ERBB4: variants seen among roughly 807,000 people sequenced by gnomAD.
ERBB4 encodes erb-b2 receptor tyrosine kinase 4.
A neutral mutation model predicts 158.0 loss-of-function variants in ERBB4; 42 were observed. The ratio of observed to expected loss-of-function variants is 0.27; its 90% CI spans 0.21 to 0.34. The LOEUF (loss-of-function observed/expected upper bound fraction) is 0.34, where lower values mean the gene tolerates loss of function less well. Among genes scored for constraint, ERBB4 ranks in the 10% least tolerant of loss-of-function variants. The pLI, the probability that ERBB4 is intolerant of heterozygous loss-of-function variation, is 1.00. For missense variants in ERBB4, 1,333 were observed against 1,624.1 expected (o/e 0.82, Z 3.08); for synonymous variants, 583 against 558.7 (o/e 1.04, Z -0.61).
rs564353073 is a variant in ERBB4 at position 211,927,853 on chromosome 2, T to C, written c.421+19577A>G. On this transcript the variant is annotated intron_variant, in intron 3 of 27. Transcript: ENST00000342788. Reference sequence around the variant, plus strand: ...TACGAGGAGGTTAAATATTACTTAATTAGCATAGCAAATGGCAAAAATACA... The same window carrying C: ...TACGAGGAGGTTAAATATTACTTAACTAGCATAGCAAATGGCAAAAATACA... Among the ~76,000 whole-genome samples, 3 of 152,242 alleles carry C rather than the reference T, an allele frequency of 2.0e-5. No homozygotes were observed. In the South Asian group the frequency reaches 6.2e-4, roughly 32 times the overall value.
chr2:212,128,518 G>A (rs535547407), intron 1 of ERBB4, among the ~76,000 whole-genome samples: 22 of 152,242 alleles, frequency 1.4e-4, no homozygotes, highest in African/African-American at 4.8e-4. Flanking sequence ...AGATGGCTGA[G>A]AACTGAGCTA....
chr2:212,401,769 T>A (rs1260839402), intron 1 of ERBB4, among the ~76,000 whole-genome samples: 4 of 152,086 alleles, frequency 2.6e-5, no homozygotes, highest in Non-Finnish European at 5.9e-5. Context: ...GTTTAGAGTA[T>A]AGAGTAAGGC....
chr2:211,583,812 T>C (rs2068179771), intron 19 of ERBB4, among the ~76,000 whole-genome samples: 1 of 151,632 alleles, frequency 6.6e-6, no homozygotes, highest in Admixed American at 6.6e-5. Context: ...TTTTTGTCAA[T>C]TATAATATCA....
Position 211,382,910 on chromosome 2 carries a change from T to C in ERBB4, c.*705A>G, listed in dbSNP as rs1057078032. The C allele has an allele frequency of 8.6e-6, 2 of 232,412 alleles. No homozygotes were observed. Among genetic ancestry groups the C allele is most frequent in the Non-Finnish European group, 1.7e-5 (2 of 117,734 alleles). 14.4% of individuals were successfully genotyped at this position (232,412 alleles called of 1,614,324 possible). Reference sequence around the variant, plus strand: ...TGTAAACATCTTTGCAATTAGAAATTAAAGCCAAAAATAGGGGAGCAAATA... The same window carrying C: ...TGTAAACATCTTTGCAATTAGAAATCAAAGCCAAAAATAGGGGAGCAAATA... On this transcript the variant is annotated 3_prime_UTR_variant, in exon 28 of 28. Coordinates refer to ENST00000342788, the MANE Select transcript of ERBB4 (RefSeq NM_005235.3).
In ERBB4 at chr2:211,537,709, A is replaced by C. The variant is rs140966215; in HGVS notation, c.2487+24194T>G. ...AACTCAACATTAAAAATATTTTAGTAAGTTTTAAAACTTATGCCTGTATCA... is the reference window on the plus strand; with the variant it reads ...AACTCAACATTAAAAATATTTTAGTCAGTTTTAAAACTTATGCCTGTATCA... On this transcript the variant is annotated intron_variant, in intron 20 of 27. Coordinates refer to ENST00000342788, the MANE Select transcript of ERBB4 (RefSeq NM_005235.3). 4.8e-3 allele frequency among the ~76,000 whole-genome samples: 737 copies of C among 152,090 alleles called. 4 individuals carry two copies. Among genetic ancestry groups the C allele is most frequent in the African/African-American group, 0.016 (673 of 41,564 alleles).
chr2:212,346,642 G>T (rs2106331719), intron 1 of ERBB4, among the ~76,000 whole-genome samples: 1 of 151,952 alleles, frequency 6.6e-6, no homozygotes, highest in East Asian at 1.9e-4. Flanking sequence ...ATATTGTCAA[G>T]TTATATTTGA....
chr2:211,690,167 T>C (rs1471287024), intron 12 of ERBB4, among the ~76,000 whole-genome samples: 1 of 151,512 alleles, frequency 6.6e-6, no homozygotes, highest in Non-Finnish European at 1.5e-5. Flanking sequence ...CTTAACTCAG[T>C]TTCTTTCTTG....
At chr2:212,081,812 C>T (rs2078452590) in intron 2 of ERBB4, among the ~76,000 whole-genome samples, 1 of 152,010 alleles carries the variant, frequency 6.6e-6, no homozygotes, top group African/African-American at 2.4e-5. Context: ...TATGTAGGTA[C>T]TTAAAGGGCT....
intron 3 of ERBB4, among the ~76,000 whole-genome samples, chr2:211,838,667 A>C (rs2077396226): frequency 6.6e-6 from 1 of 152,286 alleles, no homozygotes; most frequent in East Asian, 1.9e-4. Context: ...ATTATATTGT[A>C]TGTAAACAAA....
chr2:212,044,183 T>A (rs1311297153), intron 2 of ERBB4, among the ~76,000 whole-genome samples: 1 of 152,160 alleles, frequency 6.6e-6, no homozygotes, highest in Non-Finnish European at 1.5e-5. Context: ...GATACCATTT[T>A]ACTTAGGAGA....
intron 1 of ERBB4, among the ~76,000 whole-genome samples, chr2:212,485,174 C>T (rs145897470): frequency 8.6e-4 from 131 of 152,230 alleles, no homozygotes; most frequent in African/African-American, 2.7e-3. Context: ...TTCCAGTCAC[C>T]GGAGTTCCAG....
At chr2:212,161,217 T>C (rs766780060) in intron 1 of ERBB4, among the ~76,000 whole-genome samples, 10 of 151,938 alleles carry the variant, frequency 6.6e-5, no homozygotes, top group Non-Finnish European at 1.0e-4. Context: ...GTACAGTCTC[T>C]TTCACTCATC....
chr2:212,475,795 AAAT>A (rs1296895231), intron 1 of ERBB4, among the ~76,000 whole-genome samples: 3 of 152,100 alleles, frequency 2.0e-5, no homozygotes, highest in Admixed American at 6.6e-5. Flanking sequence ...ATTTAAAAGA[AAAT>A]AATAATAATA....
chr2:212,242,893 TAAAG>T (rs1415735429), intron 1 of ERBB4, among the ~76,000 whole-genome samples: 1 of 152,160 alleles, frequency 6.6e-6, no homozygotes. Flanking sequence ...CAAGTACGGC[TAAAG>T]AAAGAAATAT....
At chr2:211,957,889 T>C (rs1224013067) in intron 2 of ERBB4, among the ~76,000 whole-genome samples, 1 of 152,150 alleles carries the variant, frequency 6.6e-6, no homozygotes, top group East Asian at 1.9e-4. Context: ...AATGTGATGT[T>C]TTCCCATTCA....
intron 1 of ERBB4, among the ~76,000 whole-genome samples, chr2:212,193,696 T>C (rs1365285384): frequency 1.3e-5 from 2 of 152,138 alleles, no homozygotes; most frequent in East Asian, 1.9e-4. Context: ...TGAAACTGTA[T>C]GATGAAATTC....
At chr2:211,527,833 A>C (rs1364417623) in intron 20 of ERBB4, among the ~76,000 whole-genome samples, 3 of 152,046 alleles carry the variant, frequency 2.0e-5, no homozygotes, top group African/African-American at 7.2e-5. Flanking sequence ...ACTTCATGGT[A>C]ACCTCAAATT....
intron 1 of ERBB4, among the ~76,000 whole-genome samples, chr2:212,492,174 T>A (rs1322068608): frequency 6.6e-6 from 1 of 151,410 alleles, no homozygotes; most frequent in Admixed American, 6.6e-5. Context: ...AATATGAAAT[T>A]GGATAGGATG....
intron 25 of ERBB4, among the ~76,000 whole-genome samples, chr2:211,411,352 G>C (rs1167794218): frequency 6.6e-6 from 1 of 152,186 alleles, no homozygotes; most frequent in Non-Finnish European, 1.5e-5. Context: ...TTAAGTATTT[G>C]AAAGGTTTCT....
Sources: allele counts gnomAD v4.1 joint callset (sites outside exome capture counted in the v4.1 genomes callset), GRCh38; gene constraint gnomAD v4.1.1; transcripts MANE v1.5; gene names NCBI Gene and HGNC (gene_info 2026-07-23, HGNC 2026-07-21).